The following COG5 variants were observed in gnomAD, a reference collection of about 807,000 sequenced individuals.
COG5 encodes component of oligomeric golgi complex 5.
A neutral mutation model predicts 110.4 loss-of-function variants in COG5; 86 were observed. The ratio of observed to expected loss-of-function variants is 0.78; its 90% CI spans 0.65 to 0.93. The LOEUF is 0.93. Among genes scored for constraint, COG5 ranks in the 40% least tolerant of loss-of-function variants. The probability of loss-of-function intolerance (pLI) is 0.00; values close to 1 mark genes in which losing one functional copy is unlikely to be tolerated. For missense variants in COG5, 1,077 were observed against 987.0 expected, an observed-to-expected ratio of 1.09 and a Z score of -1.22; for synonymous variants, 360 against 334.6, an observed-to-expected ratio of 1.08 and a Z score of -0.83.
chr7:107,547,164 G>T (rs1802512887), intron 5 of COG5, among the ~76,000 whole-genome samples: 1 of 152,092 alleles, frequency 6.6e-6, no homozygotes, highest in African/African-American at 2.4e-5. Context: ...CACATTAGAA[G>T]AATCATTCAC....
At chr7:107,234,391 A>G (rs142343125) in intron 18 of COG5, among the ~76,000 whole-genome samples, 21 of 152,346 alleles carry the variant, frequency 1.4e-4, no homozygotes, top group African/African-American at 5.1e-4. Flanking sequence ...GCCAAATAAC[A>G]TTTTGAATAA....
chr7:107,278,320 G>A (rs1394796682), intron 14 of COG5, among the ~76,000 whole-genome samples: 3 of 151,538 alleles, frequency 2.0e-5, no homozygotes, highest in Admixed American at 6.6e-5. Flanking sequence ...TGTGCAGAAC[G>A]TGCAGATTTG....
At chr7:107,559,081 T>G (rs1803571992) in intron 1 of COG5, among the ~76,000 whole-genome samples, 1 of 151,908 alleles carries the variant, frequency 6.6e-6, no homozygotes, top group African/African-American at 2.4e-5. Context: ...ACAAATACTG[T>G]TATAGCAAAG....
chr7:107,493,295 G>T lies in COG5; in HGVS notation c.538+33942C>A. ...CTGTTCTTTATAAACTATATAATCT[G>T]TAGTATTCTTTACAGCAGTACAAAA... On this transcript the variant is annotated intron_variant, in intron 6 of 21. Transcript: ENST00000297135. 2.0e-5 allele frequency among the ~76,000 whole-genome samples: 3 copies of T among 152,086 alleles called. 1 individual carries two copies. In the South Asian group the frequency reaches 6.2e-4, roughly 31 times the overall value.
chr7:107,517,899 T>A (rs1013216964), intron 6 of COG5, among the ~76,000 whole-genome samples: 1 of 152,070 alleles, frequency 6.6e-6, no homozygotes, highest in Admixed American at 6.6e-5. Flanking sequence ...GGTTTCACTA[T>A]GTTGGTCAGG....
intron 6 of COG5, among the ~76,000 whole-genome samples, chr7:107,522,488 A>G (rs751709183): frequency 1.3e-5 from 2 of 152,128 alleles, no homozygotes; most frequent in Admixed American, 6.6e-5. Context: ...CAACAACAAC[A>G]AAACCTAGAT....
At chr7:107,446,072 T>A (rs10234355) in intron 6 of COG5, among the ~76,000 whole-genome samples, 2 of 152,036 alleles carry the variant, frequency 1.3e-5, no homozygotes, top group African/African-American at 2.4e-5. Context: ...GCAGCCATAT[T>A]CACATGATAT....
At position 107,492,168 on chromosome 7, in the gene COG5, AGTGTGTGTGTGTGTGT is replaced by A. The variant is rs61526384; in HGVS notation, c.538+35053_538+35068del. On this transcript the variant is annotated intron_variant, in intron 6 of 21. Coordinates refer to ENST00000297135, the MANE Select transcript of COG5 (RefSeq NM_006348.5). ...CAAAAAACCAAAAACAACAATGGGT[AGTGTGTGTGTGTGTGT>A]GTGTGTGTGTGTGTGTGTGTAGTTT... Among the ~76,000 whole-genome samples, 467 of 141,734 alleles carry A rather than the reference AGTGTGTGTGTGTGTGT, an allele frequency of 3.3e-3. 26 individuals carry two copies. The East Asian group carries it at 0.09, about 27-fold the overall frequency. 93.0% of individuals were successfully genotyped at this position (141,734 alleles called of 152,430 possible).
rs766064928 is a variant in COG5 at position 107,474,205 on chromosome 7, A to C, written c.538+53032T>G. The C allele has an allele frequency of 1.2e-6, 2 of 1,613,200 alleles. No homozygotes were observed. The highest frequency in any genetic ancestry group is 1.1e-5 in the South Asian group (1 of 91,054). On this transcript the variant is annotated intron_variant, in intron 6 of 21. Coordinates refer to ENST00000297135, the MANE Select transcript of COG5 (RefSeq NM_006348.5). The surrounding 1 kb of genome is among the most constrained non-coding windows in gnomAD (Gnocchi z 5.7). The stretch of plus-strand genomic sequence containing the variant: ...TCAAGTGTCTCTCACCGGATTTCTT[A>C]TGTTAGAAATTGTGTTGGGACTTGG...
At chr7:107,457,196 AG>A (rs1795715799) in intron 6 of COG5, among the ~76,000 whole-genome samples, 2 of 136,086 alleles carry the variant, frequency 1.5e-5, no homozygotes, top group South Asian at 4.4e-4. Context: ...TTGTAACTAT[AG>A]AAATTAATCA....
chr7:107,484,337 T>C (rs977821486), intron 6 of COG5, among the ~76,000 whole-genome samples: 1 of 152,198 alleles, frequency 6.6e-6, no homozygotes. Flanking sequence ...TTACAAGAGG[T>C]GAGCCACAAA....
At chr7:107,557,815 G>A (rs1803436406) in intron 2 of COG5, among the ~76,000 whole-genome samples, 161 bp downstream of exon 2, 1 of 152,088 alleles carries the variant, frequency 6.6e-6, no homozygotes, top group Non-Finnish European at 1.5e-5. Flanking sequence ...AACAAAAAGT[G>A]GTTTACAGAA....
chr7:107,553,191 G>A (rs768382292), intron 3 of COG5, among the ~76,000 whole-genome samples: 2 of 152,090 alleles, frequency 1.3e-5, no homozygotes, highest in Non-Finnish European at 2.9e-5. Flanking sequence ...TCAGCATTAT[G>A]TAATATTCTC....
At chr7:107,206,421 G>C (rs1174321550) in intron 21 of COG5, among the ~76,000 whole-genome samples, 1 of 152,170 alleles carries the variant, frequency 6.6e-6, no homozygotes, top group Non-Finnish European at 1.5e-5. Flanking sequence ...AGCTGACCCT[G>C]AATGGAGATA....
chr7:107,315,848 A>C (rs185988788), intron 11 of COG5, among the ~76,000 whole-genome samples: 1 of 152,314 alleles, frequency 6.6e-6, no homozygotes, highest in East Asian at 1.9e-4. Context: ...AAGTTATTAA[A>C]GTAATTATGG....
intron 6 of COG5, among the ~76,000 whole-genome samples, chr7:107,496,657 C>CAAAAAAAAAAAAAAAAAAAA: frequency 1.1e-5 from 1 of 90,696 alleles, no homozygotes; most frequent in East Asian, 3.4e-4. Flanking sequence ...GACTCTGTCT[C>CAAAAAAAAAAAAAAAAAAAA]AAAAAAAAAA....
rs113928357 is a variant in COG5, at chr7:107,258,227, A to G, written c.1686+46T>C. ...TTGTAAACTGTCCAAATTTGAGGCA[A>G]GAAGAATTTAAAATTAAGTAAAAAA... On this transcript the variant is annotated intron_variant, in intron 15 of 21. Coordinates refer to ENST00000297135, the MANE Select transcript of COG5 (RefSeq NM_006348.5). 878 of 1,151,322 alleles carry G rather than the reference A, an allele frequency of 7.6e-4. 5 individuals carry two copies. The Middle Eastern group carries it at 0.024, about 32-fold the overall frequency. The allele number at this position is 1,151,322 out of a possible 1,614,324, so 71.3% of individuals were successfully genotyped here.
intron 14 of COG5, 101 bp downstream of exon 14, chr7:107,281,195 GAAGT>G (rs1805136049): frequency 5.0e-6 from 4 of 804,766 alleles, no homozygotes; most frequent in Non-Finnish European, 6.0e-6. Context: ...AGTAAAAATG[GAAGT>G]AAGTAAATAG....
intron 18 of COG5, among the ~76,000 whole-genome samples, chr7:107,235,277 C>T (rs892769987): frequency 2.6e-5 from 4 of 152,132 alleles, no homozygotes; most frequent in African/African-American, 9.7e-5. Flanking sequence ...GACACACTCC[C>T]GGATACACAC....
Sources: gnomAD v4.1 joint callset for allele counts (sites outside exome capture counted in the v4.1 genomes callset) on GRCh38, gnomAD v4.1.1 for gene constraint, Gnocchi (gnomAD v3.1) non-coding constraint, MANE v1.5 for transcripts, NCBI Gene and HGNC (gene_info 2026-07-23, HGNC 2026-07-21) for gene names.